Variants in PPM1H observed in about 807,000 individuals in gnomAD.
The protein encoded by PPM1H is protein phosphatase, Mg2+/Mn2+ dependent 1H.
In PPM1H, 27 loss-of-function variants were observed where a neutral mutation model predicts 54.9. The observed-to-expected ratio is 0.49, with a 90% CI of 0.36 to 0.68. The LOEUF is 0.68. PPM1H is among the 30% of genes least tolerant of loss of function. The probability of loss-of-function intolerance (pLI) is 0.00; values close to 1 mark genes in which losing one functional copy is unlikely to be tolerated. For synonymous variants in PPM1H, 305 were observed against 270.8 expected (o/e 1.13, Z -1.24); for missense variants, 596 against 667.8 (o/e 0.89, Z 1.19).
At chr12:62,916,421 G>A (rs1376146047) in intron 1 of PPM1H, among the ~76,000 whole-genome samples, 1 of 152,158 alleles carries the variant, frequency 6.6e-6, no homozygotes, top group African/African-American at 2.4e-5. Context: ...AGTCTGAAAA[G>A]TGTGAATGTT....
In PPM1H at chr12:62,832,584, CTCTT is replaced by C. The variant is rs1282702982; in HGVS notation, c.246-309_246-306del. ...TTAGTCAAAACACATGAGGCAATCACTCTTTCAGGTTAAGGAACCTGAATGTTTC... is the reference window on the plus strand; with the variant it reads ...TTAGTCAAAACACATGAGGCAATCACTCAGGTTAAGGAACCTGAATGTTTC... On this transcript the variant is annotated intron_variant, in intron 1 of 9. Transcript: ENST00000228705. Among the ~76,000 whole-genome samples, 6 of 152,192 alleles carry C rather than the reference CTCTT, an allele frequency of 3.9e-5. No homozygotes were observed. In the South Asian group the frequency reaches 6.2e-4, roughly 16 times the overall value.
chr12:62,832,925 A>T (rs959271059), intron 1 of PPM1H, among the ~76,000 whole-genome samples: 1 of 152,206 alleles, frequency 6.6e-6, no homozygotes, highest in South Asian at 2.1e-4. Context: ...ACCAAGACAC[A>T]TAATAATAAG....
At chr12:62,767,767 C>T (rs1318078172) in intron 4 of PPM1H, among the ~76,000 whole-genome samples, 4 of 152,198 alleles carry the variant, frequency 2.6e-5, no homozygotes, top group Non-Finnish European at 4.4e-5. Context: ...CGTAGGGCCA[C>T]GCTCCTTCTG....
intron 1 of PPM1H, among the ~76,000 whole-genome samples, chr12:62,864,289 A>G (rs116297333): frequency 6.6e-6 from 1 of 152,370 alleles, no homozygotes; most frequent in African/African-American, 2.4e-5. Flanking sequence ...AAAGTTGGGT[A>G]TGGCATTACT....
At chr12:62,842,393 G>A (rs1868785740) in intron 1 of PPM1H, among the ~76,000 whole-genome samples, 1 of 152,212 alleles carries the variant, frequency 6.6e-6, no homozygotes, top group African/African-American at 2.4e-5. Flanking sequence ...TTTTTTGAAA[G>A]TCAGTTTCAA....
At chr12:62,726,041 T>C (rs1188134232) in intron 5 of PPM1H, among the ~76,000 whole-genome samples, 1 of 152,210 alleles carries the variant, frequency 6.6e-6, no homozygotes, top group Non-Finnish European at 1.5e-5. Flanking sequence ...GTACCTGTGA[T>C]ATATTTTTAC....
chr12:62,846,779 A>G (rs1470407430), intron 1 of PPM1H, among the ~76,000 whole-genome samples: 1 of 152,232 alleles, frequency 6.6e-6, no homozygotes. Flanking sequence ...GCTATTTTGC[A>G]TGCACTTTAT....
chr12:62,750,307 A>C (rs2076435698), intron 4 of PPM1H, among the ~76,000 whole-genome samples: 1 of 152,212 alleles, frequency 6.6e-6, no homozygotes, highest in South Asian at 2.1e-4. Flanking sequence ...AGCCCTTGCA[A>C]ATACTAATCT....
At chr12:62,849,365 T>C (rs73316270) in intron 1 of PPM1H, among the ~76,000 whole-genome samples, 6,976 of 152,272 alleles carry the variant, frequency 0.046, 459 homozygotes, top group African/African-American at 0.14. Flanking sequence ...ACAAGATAGA[T>C]AGGGAAGGTA....
chr12:62,759,666 C>A (rs992429539), intron 4 of PPM1H, among the ~76,000 whole-genome samples: 1 of 152,152 alleles, frequency 6.6e-6, no homozygotes, highest in African/African-American at 2.4e-5. Context: ...CAGCAAGCAC[C>A]GCTTTTCTGG....
intron 1 of PPM1H, among the ~76,000 whole-genome samples, chr12:62,837,307 A>C (rs1026578039): frequency 1.3e-5 from 2 of 152,256 alleles, no homozygotes; most frequent in African/African-American, 2.4e-5. Context: ...ACACAGACAA[A>C]GTAAGTACCT....
At position 62,858,939 on chromosome 12, in the gene PPM1H, A is replaced by G. The variant is rs117688636; in HGVS notation, c.246-26660T>C. Among the ~76,000 whole-genome samples the G allele has an allele frequency of 1.3e-3, 204 of 152,368 alleles. 4 individuals carry two copies. In the East Asian group the frequency reaches 0.035, roughly 26 times the overall value. On this transcript the variant is annotated intron_variant, in intron 1 of 9. Coordinates refer to ENST00000228705, the MANE Select transcript of PPM1H (RefSeq NM_020700.2). ...GAGAATACAACCTAAAACCCATTTT[A>G]AAGATTTCTTCCTTTATTCTAATTG... is the stretch of plus-strand genomic sequence containing the variant.
chr12:62,682,472 T>C (rs1037595658), intron 8 of PPM1H, among the ~76,000 whole-genome samples: 2 of 152,148 alleles, frequency 1.3e-5, no homozygotes, highest in East Asian at 3.8e-4. Flanking sequence ...ATTATTCATG[T>C]TTTCATGGGA....
chr12:62,672,279 G>A (rs1288838928), intron 8 of PPM1H, among the ~76,000 whole-genome samples: 1 of 152,154 alleles, frequency 6.6e-6, no homozygotes, highest in Non-Finnish European at 1.5e-5. Context: ...AGAACAAAAA[G>A]TGAATGTGTT....
intron 3 of PPM1H, among the ~76,000 whole-genome samples, chr12:62,792,199 A>T (rs2076704818): frequency 6.6e-6 from 1 of 152,170 alleles, no homozygotes; most frequent in African/African-American, 2.4e-5. Flanking sequence ...TGCTTAGGGG[A>T]AAAAATCAAG....
chr12:62,880,318 G>T (rs1870345908), intron 1 of PPM1H, among the ~76,000 whole-genome samples: 1 of 152,162 alleles, frequency 6.6e-6, no homozygotes, highest in Non-Finnish European at 1.5e-5. Flanking sequence ...TGATTGTTGG[G>T]GCAGGGTATT....
rs139989222 is a variant in PPM1H, at chr12:62,904,307, T to C, written c.245+30185A>G. ...AGGCTGGAGTGCAGTGGCATGATCT[T>C]GGCTCACTGCAACCTCCACCTCCCA... On this transcript the variant is annotated intron_variant, in intron 1 of 9. Coordinates refer to ENST00000228705, the MANE Select transcript of PPM1H (RefSeq NM_020700.2). Among the ~76,000 whole-genome samples the C allele has an allele frequency of 8.0e-3, 1,216 of 152,158 alleles. 19 individuals are homozygous for C. The highest frequency in any genetic ancestry group is 0.054 in the Middle Eastern group (16 of 294).
At chr12:62,818,826 T>TC (rs1427559028) in intron 2 of PPM1H, among the ~76,000 whole-genome samples, 8 of 144,388 alleles carry the variant, frequency 5.5e-5, no homozygotes, top group African/African-American at 1.7e-4. Flanking sequence ...TTTTTCTTTT[T>TC]TTTTTTTTTT....
intron 4 of PPM1H, chr12:62,756,020 C>A: frequency 1.4e-6 from 2 of 1,410,580 alleles, no homozygotes; most frequent in Non-Finnish European, 2.0e-6. Flanking sequence ...GTGAAGCAGG[C>A]GTCCGAGACC....
Sources: gnomAD v4.1 joint callset for allele counts (sites outside exome capture counted in the v4.1 genomes callset) on GRCh38, gnomAD v4.1.1 for gene constraint, MANE v1.5 for transcripts, NCBI Gene and HGNC (gene_info 2026-07-23, HGNC 2026-07-21) for gene names.